Variants in TRABD2B observed in about 807,000 individuals in gnomAD.
TRABD2B encodes metalloprotease TIKI2.
A neutral mutation model predicts 40.1 loss-of-function variants in TRABD2B; 14 were observed. The ratio of observed to expected loss-of-function variants is 0.35; its 90% CI spans 0.23 to 0.55. The LOEUF is 0.55. Ranked by LOEUF, TRABD2B falls within the 20% of genes least tolerant of loss-of-function variation. TRABD2B has a pLI of 0.90. For synonymous variants in TRABD2B, 263 were observed against 277.0 expected (o/e 0.95, Z 0.50); for missense variants, 541 against 648.6 (o/e 0.83, Z 1.80).
At chr1:47,821,342 C>T (rs6667893) in intron 2 of TRABD2B, among the ~76,000 whole-genome samples, 103,828 of 152,064 alleles carry the variant, frequency 0.68, 35,751 homozygotes, top group South Asian at 0.83. Flanking sequence ...TCAATTCACC[C>T]CTCTGAGTGT....
chr1:47,990,095 A>T (rs1167183069), intron 2 of TRABD2B, among the ~76,000 whole-genome samples: 1 of 152,228 alleles, frequency 6.6e-6, no homozygotes, highest in Non-Finnish European at 1.5e-5. Flanking sequence ...CAAGTGAGGG[A>T]CTTGTAGAAT....
chr1:47,993,221 C>T (rs1161302499), intron 2 of TRABD2B, among the ~76,000 whole-genome samples: 1 of 152,164 alleles, frequency 6.6e-6, no homozygotes, highest in African/African-American at 2.4e-5. Context: ...CAGATGTGAA[C>T]TCATTGTTCC....
intron 2 of TRABD2B, among the ~76,000 whole-genome samples, chr1:47,867,758 C>T (rs984992437): frequency 2.6e-5 from 4 of 152,138 alleles, no homozygotes; most frequent in Admixed American, 1.3e-4. Context: ...ACTGGAAATA[C>T]GTGGGAAACA....
intron 4 of TRABD2B, among the ~76,000 whole-genome samples, chr1:47,788,610 A>G (rs1488498709): frequency 6.6e-6 from 1 of 152,234 alleles, no homozygotes; most frequent in Admixed American, 6.5e-5. Context: ...ACTCCTCCCA[A>G]GGAATCCAAG....
intron 2 of TRABD2B, among the ~76,000 whole-genome samples, chr1:47,847,410 A>C (rs1372917627): frequency 2.6e-5 from 4 of 152,224 alleles, no homozygotes; most frequent in Non-Finnish European, 4.4e-5. Flanking sequence ...AATGGCCAGC[A>C]CAGTGGCTGG....
At chr1:47,937,555 A>G (rs184926155) in intron 2 of TRABD2B, among the ~76,000 whole-genome samples, 19 of 152,304 alleles carry the variant, frequency 1.2e-4, no homozygotes, top group Admixed American at 1.2e-3. Flanking sequence ...GAGGCCCAGA[A>G]AATGGAAGAG....
At chr1:47,906,422 T>C (rs1644678646) in intron 2 of TRABD2B, among the ~76,000 whole-genome samples, 1 of 151,998 alleles carries the variant, frequency 6.6e-6, no homozygotes, top group Admixed American at 6.6e-5. Flanking sequence ...CAATCCAGGC[T>C]TTCTTGCACC....
chr1:47,822,430 A>C (rs1022115378), intron 2 of TRABD2B, among the ~76,000 whole-genome samples: 3 of 152,100 alleles, frequency 2.0e-5, no homozygotes, highest in African/African-American at 7.2e-5. Context: ...GTGCCTGCTG[A>C]GCTCTGAGCT....
intron 2 of TRABD2B, among the ~76,000 whole-genome samples, chr1:47,979,289 C>T (rs929149664): frequency 2.6e-5 from 4 of 152,216 alleles, no homozygotes; most frequent in African/African-American, 9.7e-5. Flanking sequence ...TGCATGTGTA[C>T]TCAAAGCCAG....
intron 2 of TRABD2B, among the ~76,000 whole-genome samples, chr1:47,884,940 C>T (rs1046255432): frequency 2.6e-5 from 4 of 152,088 alleles, no homozygotes; most frequent in East Asian, 3.9e-4. Flanking sequence ...AAACTACAAA[C>T]GTTATCATGG....
chr1:47,845,096 G>A (rs1198879560), intron 2 of TRABD2B, among the ~76,000 whole-genome samples: 1 of 152,112 alleles, frequency 6.6e-6, no homozygotes, highest in Admixed American at 6.5e-5. Flanking sequence ...TCCAGACGCT[G>A]GTCAGGTGCG....
intron 2 of TRABD2B, among the ~76,000 whole-genome samples, chr1:47,809,762 C>T (rs1345183047): frequency 6.6e-6 from 1 of 152,166 alleles, no homozygotes; most frequent in African/African-American, 2.4e-5. Flanking sequence ...AGCAGGCATC[C>T]AAATAAACAC....
At position 47,982,469 on chromosome 1, in the gene TRABD2B, C is replaced by G. The variant is rs552402269; in HGVS notation, c.666+11565G>C. Among the ~76,000 whole-genome samples, 73 of 152,226 alleles carry G rather than the reference C, an allele frequency of 4.8e-4. 2 individuals carry two copies. The highest frequency in any genetic ancestry group is 1.6e-3 in the African/African-American group (67 of 41,528). ...GGAAACAGATGTTCAGCCATCTAGCCAAAGTGGAGGAGCTGGATTTCCAAC... is the reference window on the plus strand; with the variant it reads ...GGAAACAGATGTTCAGCCATCTAGCGAAAGTGGAGGAGCTGGATTTCCAAC... On this transcript the variant is annotated intron_variant, in intron 2 of 6. Transcript: ENST00000606738.
intron 2 of TRABD2B, among the ~76,000 whole-genome samples, chr1:47,802,113 G>T (rs553729947): frequency 6.6e-6 from 1 of 152,304 alleles, no homozygotes; most frequent in South Asian, 2.1e-4. Context: ...AAGGCCTGAG[G>T]AGCTCGGTCC....
chr1:47,879,974 C>T (rs922155590), intron 2 of TRABD2B, among the ~76,000 whole-genome samples: 5 of 152,200 alleles, frequency 3.3e-5, no homozygotes, highest in African/African-American at 1.2e-4. Context: ...TGCTTCACTC[C>T]TTTTCCACCC....
chr1:47,971,437 A>G (rs1296724566), intron 2 of TRABD2B, among the ~76,000 whole-genome samples: 1 of 152,202 alleles, frequency 6.6e-6, no homozygotes, highest in East Asian at 1.9e-4. Context: ...CTCCTTGGAA[A>G]TGATCTCTCT....
chr1:47,774,012 G>A (rs574892975), intron 6 of TRABD2B, among the ~76,000 whole-genome samples: 2 of 152,150 alleles, frequency 1.3e-5, no homozygotes, highest in Non-Finnish European at 2.9e-5. Flanking sequence ...TGGGGACCCT[G>A]GTCAAACCCT....
At chr1:47,833,852 A>G (rs1645281887) in intron 2 of TRABD2B, among the ~76,000 whole-genome samples, 1 of 152,272 alleles carries the variant, frequency 6.6e-6, no homozygotes, top group Non-Finnish European at 1.5e-5. Context: ...AAGAACACAG[A>G]CAAAAATGGT....
At chr1:47,857,970 T>C (rs993005759) in intron 2 of TRABD2B, among the ~76,000 whole-genome samples, 5 of 143,782 alleles carry the variant, frequency 3.5e-5, no homozygotes, top group African/African-American at 1.0e-4. Flanking sequence ...ATAAAATATT[T>C]TGAGAGAGAT....
Sources: gnomAD v4.1 joint callset for allele counts (sites outside exome capture counted in the v4.1 genomes callset) on GRCh38, gnomAD v4.1.1 for gene constraint, MANE v1.5 for transcripts, NCBI Gene and HGNC (gene_info 2026-07-23, HGNC 2026-07-21) for gene names.